LRRC8E: variants seen among roughly 807,000 people sequenced by gnomAD.
LRRC8E encodes the protein volume-regulated anion channel subunit LRRC8E.
LRRC8E carries 6 observed loss-of-function variants against 6.1 expected under a neutral mutation model. The observed-to-expected ratio is 0.98, with a 90% CI of 0.54 to 1.93. The LOEUF (loss-of-function observed/expected upper bound fraction) is 1.93. Ranked by LOEUF, LRRC8E falls within the 30% of genes most tolerant of loss-of-function variation. The pLI, the probability that LRRC8E is intolerant of heterozygous loss-of-function variation, is 0.01. For missense variants in LRRC8E, 1,028 were observed against 1,031.4 expected (o/e 1.00, Z 0.04); for synonymous variants, 485 against 472.8 (o/e 1.03, Z -0.33).
In LRRC8E at chr19:7,895,967, T is replaced by C. The variant is rs1451620497; in HGVS notation, c.138+226T>C. ...TTTTTTTCTTTTTTGAGACGGAGTC[T>C]CACTCTGTCACCCAGGCTAGAGTAC... On this transcript the variant is annotated intron_variant, in intron 2 of 2. Coordinates refer to ENST00000306708, the MANE Select transcript of LRRC8E (RefSeq NM_025061.6). The surrounding 1 kb of genome is among the most constrained non-coding windows in gnomAD (Gnocchi z 4.7). Among the ~76,000 whole-genome samples, 1 of 152,158 alleles carries C rather than the reference T, an allele frequency of 6.6e-6. No individual in the cohort carries two copies. Among genetic ancestry groups the C allele is most frequent in the Admixed American group, 6.5e-5 (1 of 15,280 alleles).
At position 7,895,707 on chromosome 19, in the gene LRRC8E, T is replaced by C. The variant is rs1189611338; in HGVS notation, c.104T>C (p.Met35Thr). The change falls in exon 2 of 3, where the codon ATG becomes ACG. Residue 35 changes from methionine (M) to threonine (T), a missense_variant. By Grantham distance (81) the Met-to-Thr change is moderately conservative (BLOSUM62 -1). Coordinates refer to ENST00000306708, the MANE Select transcript of LRRC8E (RefSeq NM_025061.6). The surrounding 1 kb of genome is among the most constrained non-coding windows in gnomAD (Gnocchi z 4.7). ...DVLAEYLTVAMLMIGVFGCTL... is the reference protein window; with the variant it reads ...DVLAEYLTVATLMIGVFGCTL... ...CTGGCCGAGTACCTCACCGTGGCCA[T>C]GCTCATGATTGGGGTCTTTGGCTGC... 3 of 1,613,952 alleles carry C rather than the reference T, an allele frequency of 1.9e-6. No individual in the cohort carries two copies. The highest frequency in any genetic ancestry group is 1.7e-5 in the Admixed American group (1 of 60,002).
chr19:7,899,744 C>A lies in LRRC8E; in HGVS notation c.1222C>A (p.Arg408=), dbSNP rs559696629. 6.2e-7 allele frequency: 1 copy of A among 1,612,080 alleles called. No homozygotes were observed. Among genetic ancestry groups the A allele is most frequent in the Non-Finnish European group, 8.5e-7 (1 of 1,179,832 alleles). Residue 408 remains arginine (R), a synonymous_variant, in exon 3 of 3, where the codon CGA becomes AGA. Coordinates refer to ENST00000306708, the MANE Select transcript of LRRC8E (RefSeq NM_025061.6). The stretch of plus-strand genomic sequence containing the variant: ...CCACGAGTGGACGCCCGAGAAGCTT[C>A]GACAGAAGCTGCAGCGCAATGCCGC... ...LNHEWTPEKL[R]QKLQRNAAGR...
intron 1 of LRRC8E, among the ~76,000 whole-genome samples, chr19:7,892,719 A>G (rs932218541): frequency 2.0e-5 from 3 of 152,228 alleles, no homozygotes; most frequent in African/African-American, 7.2e-5. Flanking sequence ...GGTGCAATGT[A>G]CATATTCTTC....
chr19:7,899,574 C>A lies in LRRC8E; in HGVS notation c.1052C>A (p.Thr351Asn). 6.2e-7 allele frequency: 1 copy of A among 1,613,894 alleles called. No individual in the cohort carries two copies. The highest frequency in any genetic ancestry group is 1.3e-5 in the African/African-American group (1 of 75,066). Residue 351 changes from threonine (T) to asparagine (N), a missense_variant, in exon 3 of 3, where the codon ACT becomes AAT. Transcript: ENST00000306708. The stretch of plus-strand genomic sequence containing the variant: ...TCCTTCCGTTCCGTGCGGGAGGAGA[C>A]TGGCATGGGGGACATTCCTGACGTC... ...EYSFRSVREE[T>N]GMGDIPDVKN...
At chr19:7,898,302 C>T (rs1981710889) in intron 2 of LRRC8E, among the ~76,000 whole-genome samples, 1 of 151,232 alleles carries the variant, frequency 6.6e-6, no homozygotes, top group South Asian at 2.1e-4. Flanking sequence ...ATGGGGGGTG[C>T]GGGGGGTCTC....
At chr19:7,891,707 A>G (rs1981326036) in intron 1 of LRRC8E, among the ~76,000 whole-genome samples, 1 of 151,482 alleles carries the variant, frequency 6.6e-6, no homozygotes, top group African/African-American at 2.4e-5. Flanking sequence ...CCCGAGTTTA[A>G]GCAATTCTCC....
chr19:7,891,897 A>T (rs1981334363), intron 1 of LRRC8E, among the ~76,000 whole-genome samples: 1 of 151,848 alleles, frequency 6.6e-6, no homozygotes, highest in African/African-American at 2.4e-5. Flanking sequence ...GGCGAGAGCC[A>T]CCGCGCCCGG....
chr19:7,901,495 G>C lies in LRRC8E; in HGVS notation c.*582G>C, dbSNP rs752487631. 6.6e-6 allele frequency: 1 copy of C among 152,270 alleles called. No homozygotes were observed. Among genetic ancestry groups the C allele is most frequent in the Non-Finnish European group, 1.5e-5 (1 of 68,118 alleles). The allele number at this position is 152,270 out of a possible 1,614,324, so 9.4% of individuals were successfully genotyped here. A position where few individuals can be genotyped will look rare whatever the true frequency, so the allele number is the denominator to read the frequency against. ...CTGAAACACTGACTCAGGAGGTTTG[G>C]TTGGGGGCCAGGAGTCTGTTCCTAA... is the stretch of plus-strand genomic sequence containing the variant. On this transcript the variant is annotated 3_prime_UTR_variant, in exon 3 of 3. Transcript: ENST00000306708.
intron 1 of LRRC8E, among the ~76,000 whole-genome samples, chr19:7,892,344 T>C (rs552768343): frequency 6.6e-6 from 1 of 152,228 alleles, no homozygotes; most frequent in South Asian, 2.1e-4. Context: ...AGTGCTGGGA[T>C]TACAGGCGTG....
chr19:7,895,969 A>AGG lies in LRRC8E; in HGVS notation c.138+228_138+229insGG. Among the ~76,000 whole-genome samples, 1 of 151,786 alleles carries AGG rather than the reference A, an allele frequency of 6.6e-6. No homozygotes were observed. Among genetic ancestry groups the AGG allele is most frequent in the Admixed American group, 6.6e-5 (1 of 15,234 alleles). Reference sequence around the variant, plus strand: ...TTTTTCTTTTTTGAGACGGAGTCTCACTCTGTCACCCAGGCTAGAGTACAG... The same window carrying AGG: ...TTTTTCTTTTTTGAGACGGAGTCTCAGGCTCTGTCACCCAGGCTAGAGTACAG... On this transcript the variant is annotated intron_variant, in intron 2 of 2. Transcript: ENST00000306708. The surrounding 1 kb of genome is among the most constrained non-coding windows in gnomAD (Gnocchi z 4.7).
rs375694931 is a variant in LRRC8E, at chr19:7,900,067, G to T, written c.1545G>T (p.Glu515Asp). The T allele has an allele frequency of 5.0e-6, 8 of 1,611,816 alleles. No individual in the cohort carries two copies. The East Asian group carries it at 1.8e-4, about 36-fold the overall frequency. ...GLRGLEELHL[E>D]GLFPQELARA... ...GGGGCTTGGAGGAGCTGCACCTGGA[G>T]GGGCTTTTCCCCCAGGAGCTAGCTC... Residue 515 changes from glutamate (E) to aspartate (D), a missense_variant, in exon 3 of 3, where the codon GAG becomes GAT. Glu to Asp is a conservative substitution (Grantham distance 45). Coordinates refer to ENST00000306708, the MANE Select transcript of LRRC8E (RefSeq NM_025061.6). The surrounding 1 kb of genome is among the most constrained non-coding windows in gnomAD (Gnocchi z 5.0).
chr19:7,899,612 G>A lies in LRRC8E; in HGVS notation c.1090G>A (p.Ala364Thr), dbSNP rs755032047. The A allele has an allele frequency of 1.9e-6, 3 of 1,613,738 alleles. No individual in the cohort carries two copies. Among genetic ancestry groups the A allele is most frequent in the Admixed American group, 1.7e-5 (1 of 60,030 alleles). The stretch of plus-strand genomic sequence containing the variant: ...CATTCCTGACGTCAAGAATGACTTC[G>A]CCTTCATGCTGCACCTCATCGATCA... ...GDIPDVKNDF[A>T]FMLHLIDQYD... Residue 364 changes from alanine (A) to threonine (T), a missense_variant, in exon 3 of 3, where the codon GCC becomes ACC. Transcript: ENST00000306708.
rs1312726575 is a variant in LRRC8E at position 7,899,823 on chromosome 19, T to C, written c.1301T>C (p.Phe434Ser). The change falls in exon 3 of 3, where the codon TTT (phenylalanine) becomes TCT (serine). Residue 434 changes from phenylalanine to serine, a missense_variant. Physicochemically the swap from Phe to Ser is radical, Grantham distance 155 (BLOSUM62 -2). Transcript: ENST00000306708. ...CMLPGLPDTV[F>S]ELSEVESLRL... is the part of the protein sequence containing the mutation. ...CTGCCGGGTCTGCCCGACACCGTCT[T>C]TGAGCTCAGTGAGGTGGAGTCACTC... 6.2e-7 allele frequency: 1 copy of C among 1,606,850 alleles called. No homozygotes were observed. The highest frequency in any genetic ancestry group is 8.5e-7 in the Non-Finnish European group (1 of 1,179,930).
Position 7,900,000 on chromosome 19 carries a change from G to T in LRRC8E, c.1478G>T (p.Cys493Phe). ...CACCTGAAGGTGATGCGCGTCAAAT[G>T]CGAGGAGCTCCGCGAGGTGCCGCTT... is the stretch of plus-strand genomic sequence containing the variant. ...RDHLKVMRVK[C>F]EELREVPLWV... Residue 493 changes from cysteine to phenylalanine, a missense_variant, in exon 3 of 3, where the codon TGC (cysteine) becomes TTC (phenylalanine). By Grantham distance (205) the Cys-to-Phe change is radical. Coordinates refer to ENST00000306708, the MANE Select transcript of LRRC8E (RefSeq NM_025061.6). 6.2e-7 allele frequency: 1 copy of T among 1,609,846 alleles called. No homozygotes were observed. Among genetic ancestry groups the T allele is most frequent in the African/African-American group, 1.3e-5 (1 of 75,040 alleles).
In LRRC8E at chr19:7,895,624, C is replaced by G. The variant is rs755970278; in HGVS notation, c.21C>G (p.Phe7Leu). The change falls in exon 2 of 3, where the codon TTC becomes TTG. Residue 7 changes from phenylalanine (F) to leucine (L), a missense_variant. Physicochemically the swap from Phe to Leu is conservative, Grantham distance 22. Transcript: ENST00000306708. This position sits in a 1 kb window ranked among gnomAD's most constrained non-coding sequence, Gnocchi z 4.7. MIPVAE[F>L]KQFTEQQPAF... The stretch of plus-strand genomic sequence containing the variant: ...GCAGCATGATCCCAGTGGCCGAGTT[C>G]AAGCAGTTCACGGAACAGCAGCCTG... The G allele has an allele frequency of 6.2e-6, 10 of 1,613,846 alleles. 1 individual carries two copies. The Admixed American group carries it at 1.7e-4, about 27-fold the overall frequency.
At chr19:7,898,250 CA>C (rs1266153984) in intron 2 of LRRC8E, among the ~76,000 whole-genome samples, 3 of 149,810 alleles carry the variant, frequency 2.0e-5, no homozygotes, top group Non-Finnish European at 4.4e-5. Flanking sequence ...AGAGGTTTAG[CA>C]AAACTCTTCC....
intron 1 of LRRC8E, among the ~76,000 whole-genome samples, chr19:7,890,941 C>T (rs1981275146): frequency 6.6e-6 from 1 of 152,162 alleles, no homozygotes; most frequent in Admixed American, 6.6e-5. Flanking sequence ...AAATGATCTG[C>T]CTACCTTGGC....
Position 7,900,854 on chromosome 19 carries a change from G to A in LRRC8E, c.2332G>A (p.Glu778Lys). ...GGLKKAGLLV[E>K]DTLYQGLPAE... ...GCTCAAGAAGGCGGGGCTCCTGGTGGAAGACACGCTTTACCAGGGTCTGCC... is the reference window on the plus strand; with the variant it reads ...GCTCAAGAAGGCGGGGCTCCTGGTGAAAGACACGCTTTACCAGGGTCTGCC... Residue 778 changes from glutamate (E) to lysine (K), a missense_variant, in exon 3 of 3, where the codon GAA becomes AAA. Glu to Lys is a moderately conservative substitution (Grantham distance 56, BLOSUM62 1). Transcript: ENST00000306708. This position sits in a 1 kb window ranked among gnomAD's most constrained non-coding sequence, Gnocchi z 5.0. The A allele has an allele frequency of 1.3e-6, 2 of 1,555,128 alleles. No homozygotes were observed. Among genetic ancestry groups the A allele is most frequent in the South Asian group, 2.4e-5 (2 of 82,084 alleles).
In LRRC8E at chr19:7,900,821, T is replaced by C; in HGVS notation, c.2299T>C (p.Cys767Arg). 6.3e-7 allele frequency: 1 copy of C among 1,587,324 alleles called. No individual in the cohort carries two copies. Among genetic ancestry groups the C allele is most frequent in the Non-Finnish European group, 8.6e-7 (1 of 1,166,544 alleles). ...GGCGCTGCCAGAAGAACTTGGCAAC[T>C]GTGGGGGGCTCAAGAAGGCGGGGCT... ...LEALPEELGN[C>R]GGLKKAGLLV... Residue 767 changes from cysteine (C) to arginine (R), a missense_variant, in exon 3 of 3, where the codon TGT becomes CGT. By Grantham distance (180) the Cys-to-Arg change is radical. Coordinates refer to ENST00000306708, the MANE Select transcript of LRRC8E (RefSeq NM_025061.6). The surrounding 1 kb of genome is among the most constrained non-coding windows in gnomAD (Gnocchi z 5.0).
Sources: allele counts gnomAD v4.1 joint callset (sites outside exome capture counted in the v4.1 genomes callset), GRCh38; gene constraint gnomAD v4.1.1; non-coding constraint Gnocchi (gnomAD v3.1); transcripts MANE v1.5; gene names NCBI Gene and HGNC (gene_info 2026-07-23, HGNC 2026-07-21).